GGT7: variants seen among roughly 807,000 people sequenced by gnomAD.
The protein encoded by GGT7 is gamma-glutamyltransferase 7.
GGT7 carries 30 observed loss-of-function variants against 69.2 expected under a neutral mutation model. The observed-to-expected ratio is 0.43, with a 90% CI of 0.32 to 0.59. The LOEUF (loss-of-function observed/expected upper bound fraction) is 0.59. Ranked by LOEUF, GGT7 falls within the 20% of genes least tolerant of loss-of-function variation. The pLI, the probability that GGT7 is intolerant of heterozygous loss-of-function variation, is 0.05. For missense variants in GGT7, 733 were observed against 901.1 expected, an observed-to-expected ratio of 0.81 and a Z score of 2.39; for synonymous variants, 388 against 391.8, an observed-to-expected ratio of 0.99 and a Z score of 0.12.
chr20:34,858,312 G>A (rs2079528983), intron 7 of GGT7, among the ~76,000 whole-genome samples: 1 of 152,146 alleles, frequency 6.6e-6, no homozygotes, highest in Admixed American at 6.5e-5. Context: ...AAGAGGGAGA[G>A]CAAATCCTAA....
chr20:34,863,051 G>A lies in GGT7; in HGVS notation c.406-86C>T. 1 of 1,349,646 alleles carries A rather than the reference G, an allele frequency of 7.4e-7. No individual in the cohort carries two copies. The allele number at this position is 1,349,646 out of a possible 1,614,324, so 83.6% of individuals were successfully genotyped here. On this transcript the variant is annotated intron_variant, in intron 2 of 14. Coordinates refer to ENST00000336431, the MANE Select transcript of GGT7 (RefSeq NM_178026.3). This position sits in a 1 kb window ranked among gnomAD's most constrained non-coding sequence, Gnocchi z 4.4. ...TCCACTAGCCCTAGAACTCTACGCG[G>A]CATGAAGGTCGAAGCCCTGCCCCCT...
Position 34,845,363 on chromosome 20 carries a change from G to A in GGT7, c.1954C>T (p.Arg652Trp), listed in dbSNP as rs747943492. 26 of 1,614,084 alleles carry A rather than the reference G, an allele frequency of 1.6e-5. No individual in the cohort carries two copies. Among genetic ancestry groups the A allele is most frequent in the East Asian group, 4.5e-5 (2 of 44,882 alleles). The stretch of plus-strand genomic sequence containing the variant: ...GTGGCTCCAGCTGCATCTGGGCTCC[G>A]AGGGTCCTTAACAGCGATGATGAAG... Reference protein sequence around the residue: ...NNFIIAVKDPRSPDAAGATIL With the variant: ...NNFIIAVKDPWSPDAAGATIL Residue 652 changes from arginine (R) to tryptophan (W), a missense_variant, in exon 15 of 15, where the codon CGG (arginine) becomes TGG (tryptophan). Transcript: ENST00000336431.
At chr20:34,849,841 G>A (rs1461868655) in intron 14 of GGT7, 120 bp downstream of exon 14, 5 of 592,898 alleles carry the variant, frequency 8.4e-6, no homozygotes, top group Non-Finnish European at 1.5e-5. Context: ...ATAGAAATTT[G>A]CCAAATAAAA....
In GGT7 at chr20:34,851,225, C is replaced by T. The variant is rs377674792; in HGVS notation, c.1725+6G>A. 5.0e-6 allele frequency: 8 copies of T among 1,612,922 alleles called. No homozygotes were observed. The highest frequency in any genetic ancestry group is 6.8e-6 in the Non-Finnish European group (8 of 1,179,926). ...TGAAAAAGGCCAACCATGGCGTAAA[C>T]CTCACCTGTGTCAGGCCGCTGAGGC... On this transcript the variant is annotated splice_donor_region_variant and intron_variant, in intron 13 of 14. Coordinates refer to ENST00000336431, the MANE Select transcript of GGT7 (RefSeq NM_178026.3).
chr20:34,863,376 A>ACAGG lies in GGT7; in HGVS notation c.338_341dup (p.Thr116SerfsTer45). 1 of 1,613,990 alleles carries ACAGG rather than the reference A, an allele frequency of 6.2e-7. No individual in the cohort carries two copies. The highest frequency in any genetic ancestry group is 8.5e-7 in the Non-Finnish European group (1 of 1,180,024). ...CGGTGACACCGGTAGCGAAGGTGAGACAGGCCGTGACGATGACCGTGAGCC... is the reference window on the plus strand; with the variant it reads ...CGGTGACACCGGTAGCGAAGGTGAGACAGGCAGGCCGTGACGATGACCGTGAGCC... On this transcript the variant is annotated frameshift_variant, in exon 2 of 15. Transcript: ENST00000336431. LOFTEE classifies it high-confidence loss of function. The surrounding 1 kb of genome is among the most constrained non-coding windows in gnomAD (Gnocchi z 4.4).
chr20:34,868,631 C>A (rs183662400), intron 1 of GGT7, among the ~76,000 whole-genome samples: 1 of 152,282 alleles, frequency 6.6e-6, no homozygotes, highest in East Asian at 1.9e-4. Context: ...CTCCCTCATC[C>A]CTGACCAAAG....
At chr20:34,854,755 A>G (rs758920326) in intron 9 of GGT7, 41 bp downstream of exon 9, 9 of 1,613,078 alleles carry the variant, frequency 5.6e-6, no homozygotes. Context: ...CCCACTCCTA[A>G]TATCCTTAAA....
At chr20:34,850,202 A>G (rs754567157) in intron 13 of GGT7, 142 bp from the exon 14 acceptor site, 2 of 774,270 alleles carry the variant, frequency 2.6e-6, no homozygotes, top group Non-Finnish European at 4.7e-6. Context: ...ACAGCCCTGG[A>G]AGACAGGCAG....
At chr20:34,855,308 A>G (rs1050957452) in intron 8 of GGT7, among the ~76,000 whole-genome samples, 1 of 152,182 alleles carries the variant, frequency 6.6e-6, no homozygotes, top group Admixed American at 6.6e-5. Flanking sequence ...GATATTATCC[A>G]TGACTCCTGA....
intron 14 of GGT7, among the ~76,000 whole-genome samples, chr20:34,848,437 A>G (rs1050956859): frequency 1.3e-5 from 2 of 152,208 alleles, no homozygotes; most frequent in Admixed American, 6.5e-5. Flanking sequence ...TTGTACCTCC[A>G]TCTTACACTA....
intron 14 of GGT7, among the ~76,000 whole-genome samples, chr20:34,848,878 T>C (rs2079341548): frequency 6.6e-6 from 1 of 152,220 alleles, no homozygotes; most frequent in South Asian, 2.1e-4. Flanking sequence ...TAATACATTG[T>C]CTGTTATAAT....
chr20:34,863,791 C>A lies in GGT7; in HGVS notation c.170-243G>T. ...AGGGAGGCTGGATTCCCGCCCCTCC[C>A]TGATACCTAGGCCAAATTTCCTGGC... On this transcript the variant is annotated intron_variant, in intron 1 of 14. Coordinates refer to ENST00000336431, the MANE Select transcript of GGT7 (RefSeq NM_178026.3). This position sits in a 1 kb window ranked among gnomAD's most constrained non-coding sequence, Gnocchi z 4.4. 1.4e-6 allele frequency: 1 copy of A among 699,196 alleles called. No homozygotes were observed. The highest frequency in any genetic ancestry group is 2.7e-6 in the Non-Finnish European group (1 of 373,756). The allele number at this position is 699,196 out of a possible 1,614,324, so 43.3% of individuals were successfully genotyped here.
intron 1 of GGT7, among the ~76,000 whole-genome samples, chr20:34,864,473 C>A (rs1484100204): frequency 1.3e-5 from 2 of 152,070 alleles, no homozygotes; most frequent in Non-Finnish European, 2.9e-5. Context: ...GTAATCCCAG[C>A]ACTCTGGGGG....
At chr20:34,849,824 T>G in intron 14 of GGT7, 137 bp downstream of exon 14, 1 of 580,522 alleles carries the variant, frequency 1.7e-6, no homozygotes, top group East Asian at 2.9e-5. Flanking sequence ...GATCGTTCAC[T>G]GCTCCAATAG....
chr20:34,846,887 G>A (rs1027654861), intron 14 of GGT7, among the ~76,000 whole-genome samples: 1 of 152,094 alleles, frequency 6.6e-6, no homozygotes, highest in Non-Finnish European at 1.5e-5. Context: ...GGCCAAACAT[G>A]TTTCTACTTC....
chr20:34,870,468 G>A (rs2079760469), intron 1 of GGT7, among the ~76,000 whole-genome samples: 1 of 152,094 alleles, frequency 6.6e-6, no homozygotes, highest in Non-Finnish European at 1.5e-5. Flanking sequence ...AATAAATAGA[G>A]ATGAGGGTTT....
chr20:34,860,407 A>ATCCCTGGCTT, intron 4 of GGT7, 86 bp from the exon 5 acceptor site: 1 of 1,041,996 alleles, frequency 9.6e-7, no homozygotes, highest in Non-Finnish European at 1.5e-6. Context: ...GCCCCAAGCC[A>ATCCCTGGCTT]GGGATGGCTG....
chr20:34,867,032 G>A (rs76539614), intron 1 of GGT7, among the ~76,000 whole-genome samples: 13 of 152,286 alleles, frequency 8.5e-5, no homozygotes, highest in African/African-American at 2.4e-4. Context: ...CCCACTGTAG[G>A]CACAGAACTC....
In GGT7 at chr20:34,862,978, A is replaced by C. The variant is rs375960405; in HGVS notation, c.406-13T>G. The C allele has an allele frequency of 6.2e-7, 1 of 1,608,900 alleles. No individual in the cohort carries two copies. On this transcript the variant is annotated splice_polypyrimidine_tract_variant and intron_variant, in intron 2 of 14. Coordinates refer to ENST00000336431, the MANE Select transcript of GGT7 (RefSeq NM_178026.3). ...CCTGCTGGAAGATCTGGGAGGGGAA[A>C]GAGGACTTGGTGGGGGCAGGAGGAG...
Sources: allele counts gnomAD v4.1 joint callset (sites outside exome capture counted in the v4.1 genomes callset), GRCh38; gene constraint gnomAD v4.1.1; non-coding constraint Gnocchi (gnomAD v3.1); transcripts MANE v1.5; gene names NCBI Gene and HGNC (gene_info 2026-07-23, HGNC 2026-07-21).